Variants in NUDCD1 observed in about 807,000 individuals in gnomAD.
The protein encoded by NUDCD1 is nudC domain-containing protein 1.
Under a neutral mutation model 67.8 loss-of-function variants are expected in NUDCD1, and 60 were observed. That is an observed-to-expected ratio of 0.88 (90% CI 0.72 to 1.10). The LOEUF is 1.10. Ranked by LOEUF, NUDCD1 falls within the 50% of genes least tolerant of loss-of-function variation. NUDCD1 has a pLI of 0.00. For missense variants in NUDCD1, 643 were observed against 695.0 expected, an observed-to-expected ratio of 0.93 and a Z score of 0.84; for synonymous variants, 244 against 230.8, an observed-to-expected ratio of 1.06 and a Z score of -0.52.
At position 109,266,287 on chromosome 8, in the gene NUDCD1, G is replaced by A. The variant is rs1286453832; in HGVS notation, c.1299+4718C>T. ...GTCACCCAGGCCGGAGTGCAGTGGC[G>A]CGATCTCGGCTCACTGCAAGCTCCG... On this transcript the variant is annotated intron_variant, in intron 8 of 9. Coordinates refer to ENST00000239690, the MANE Select transcript of NUDCD1 (RefSeq NM_032869.4). Among the ~76,000 whole-genome samples, 7 of 151,138 alleles carry A rather than the reference G, an allele frequency of 4.6e-5. No homozygotes were observed. The South Asian group carries it at 6.3e-4, about 14-fold the overall frequency.
intron 5 of NUDCD1, among the ~76,000 whole-genome samples, chr8:109,284,505 C>T (rs1814530002): frequency 6.6e-6 from 1 of 152,106 alleles, no homozygotes; most frequent in Non-Finnish European, 1.5e-5. Context: ...AGAACATACT[C>T]CAAGATCACT....
chr8:109,289,819 A>G lies in NUDCD1; in HGVS notation c.755T>C (p.Leu252Ser). 2.6e-6 allele frequency: 4 copies of G among 1,563,620 alleles called. No homozygotes were observed. The highest frequency in any genetic ancestry group is 3.5e-6 in the Non-Finnish European group (4 of 1,146,166). Residue 252 changes from leucine to serine, a missense_variant, in exon 5 of 10, where the codon TTA (leucine) becomes TCA (serine). Coordinates refer to ENST00000239690, the MANE Select transcript of NUDCD1 (RefSeq NM_032869.4). ...NGLMIVSYKS[L>S]TFVQAGQDLE... is the part of the protein sequence containing the mutation. ...ATCTTGACCAGCCTGAACAAATGTT[A>G]AAGACTTGTAGGATACAATCATTAG...
chr8:109,264,688 T>C (rs752631326), intron 8 of NUDCD1, among the ~76,000 whole-genome samples: 5 of 152,188 alleles, frequency 3.3e-5, no homozygotes, highest in Non-Finnish European at 7.4e-5. Flanking sequence ...GATAATTAAG[T>C]ATCCCTTTCT....
At chr8:109,307,531 C>T (rs1815137959) in intron 2 of NUDCD1, among the ~76,000 whole-genome samples, 1 of 152,108 alleles carries the variant, frequency 6.6e-6, no homozygotes, top group Admixed American at 6.5e-5. Flanking sequence ...CAAAACAGAA[C>T]CTGTTTAAAG....
intron 5 of NUDCD1, among the ~76,000 whole-genome samples, chr8:109,287,382 A>C (rs1814600664): frequency 6.6e-6 from 1 of 152,206 alleles, no homozygotes; most frequent in South Asian, 2.1e-4. Flanking sequence ...ACATGGAATC[A>C]ACATAGGTGC....
chr8:109,277,783 C>G (rs1586271842), intron 6 of NUDCD1, among the ~76,000 whole-genome samples: 1 of 152,154 alleles, frequency 6.6e-6, no homozygotes, highest in African/African-American at 2.4e-5. Context: ...TGATGACTTA[C>G]ATTTAACAAT....
chr8:109,297,152 C>T (rs1266410466), intron 2 of NUDCD1, among the ~76,000 whole-genome samples: 1 of 152,184 alleles, frequency 6.6e-6, no homozygotes, highest in Non-Finnish European at 1.5e-5. Flanking sequence ...AAAACTAATA[C>T]AATGCAGTAA....
chr8:109,320,873 T>C (rs1280996072), intron 2 of NUDCD1, among the ~76,000 whole-genome samples: 1 of 152,200 alleles, frequency 6.6e-6, no homozygotes. Flanking sequence ...CATCATTTTG[T>C]GTTTATACTT....
At chr8:109,245,232 A>G (rs1359172929) in intron 9 of NUDCD1, 90 bp downstream of exon 9, 2 of 1,303,900 alleles carry the variant, frequency 1.5e-6, no homozygotes, top group Non-Finnish European at 2.1e-6. Flanking sequence ...AGGACAGCTC[A>G]AATTAAAAAG....
At chr8:109,270,970 A>G in intron 8 of NUDCD1, 35 bp downstream of exon 8, 1 of 1,441,826 alleles carries the variant, frequency 6.9e-7, no homozygotes, top group Non-Finnish European at 9.5e-7. Context: ...GTAACTACTG[A>G]CAAAATTTTA....
At chr8:109,279,493 CTTTGG>C (rs1814378642) in intron 6 of NUDCD1, among the ~76,000 whole-genome samples, 1 of 125,108 alleles carries the variant, frequency 8.0e-6, no homozygotes, top group South Asian at 2.9e-4. Flanking sequence ...AATGAAAGTC[CTTTGG>C]TTTAAGATGA....
At chr8:109,315,819 C>T (rs1323737878) in intron 2 of NUDCD1, 1 of 152,190 alleles carries the variant, frequency 6.6e-6, no homozygotes. Context: ...CGTCTCTACA[C>T]AGGTAAGTAA....
intron 2 of NUDCD1, among the ~76,000 whole-genome samples, chr8:109,304,311 C>G (rs747182374): frequency 1.9e-4 from 29 of 152,310 alleles, no homozygotes; most frequent in Middle Eastern, 6.8e-3. Context: ...ATGACTGTAT[C>G]TCTCTGATCC....
intron 8 of NUDCD1, among the ~76,000 whole-genome samples, chr8:109,261,433 T>C (rs910170515): frequency 6.6e-6 from 1 of 152,156 alleles, no homozygotes; most frequent in African/African-American, 2.4e-5. Flanking sequence ...ACAATGTGGT[T>C]GACTCTCACA....
chr8:109,294,138 G>C (rs1814779523), intron 3 of NUDCD1, among the ~76,000 whole-genome samples: 2 of 151,892 alleles, frequency 1.3e-5, no homozygotes, highest in Admixed American at 1.3e-4. Flanking sequence ...ATACAAAATA[G>C]AGAAGGTTTT....
chr8:109,333,786 G>T, intron 1 of NUDCD1, 107 bp downstream of exon 1: 3 of 1,233,606 alleles, frequency 2.4e-6, no homozygotes, highest in Non-Finnish European at 3.4e-6. Flanking sequence ...AAGCCGCCAC[G>T]GTGGCTTCGC....
intron 1 of NUDCD1, 121 bp downstream of exon 1, chr8:109,333,772 A>T: frequency 1.2e-5 from 13 of 1,080,810 alleles, no homozygotes; most frequent in Non-Finnish European, 1.6e-5. Flanking sequence ...CCGTGAGTCC[A>T]CGCAAGCCGC....
chr8:109,285,388 T>C (rs1814551564), intron 5 of NUDCD1, among the ~76,000 whole-genome samples: 1 of 152,144 alleles, frequency 6.6e-6, no homozygotes, highest in Non-Finnish European at 1.5e-5. Context: ...ATATCCCCGA[T>C]GAACATACAT....
intron 1 of NUDCD1, chr8:109,329,825 A>G (rs767348773): frequency 1.9e-5 from 30 of 1,551,112 alleles, no homozygotes; most frequent in Non-Finnish European, 2.6e-5. Context: ...CCAACCCTGG[A>G]GATAAAGCAT....
Sources: allele counts gnomAD v4.1 joint callset (sites outside exome capture counted in the v4.1 genomes callset), GRCh38; gene constraint gnomAD v4.1.1; transcripts MANE v1.5; gene names NCBI Gene and HGNC (gene_info 2026-07-23, HGNC 2026-07-21).